ZNF613: variants seen among roughly 807,000 people sequenced by gnomAD.
The protein encoded by ZNF613 is zinc finger protein 613.
A neutral mutation model predicts 14.3 loss-of-function variants in ZNF613; 8 were observed. The ratio of observed to expected loss-of-function variants is 0.56; its 90% CI spans 0.33 to 1.01. The LOEUF (loss-of-function observed/expected upper bound fraction) is 1.01, where lower values mean the gene tolerates loss of function less well. Ranked by LOEUF, ZNF613 falls within the 50% of genes least tolerant of loss-of-function variation. The pLI is 0.03. For synonymous variants in ZNF613, 228 were observed against 254.5 expected, an observed-to-expected ratio of 0.90 and a Z score of 0.99; for missense variants, 656 against 741.9, an observed-to-expected ratio of 0.88 and a Z score of 1.35.
At chr19:51,940,436 G>A (rs1266767244) in intron 4 of ZNF613, 101 bp downstream of exon 4, 3 of 1,589,590 alleles carry the variant, frequency 1.9e-6, no homozygotes, top group Non-Finnish European at 2.6e-6. Flanking sequence ...CTCTGAAGTG[G>A]TAGATTCTGT....
At chr19:51,938,725 G>GATGTATATATATATATATATAT (rs2085323886) in intron 3 of ZNF613, among the ~76,000 whole-genome samples, 4 of 118,900 alleles carry the variant, frequency 3.4e-5, no homozygotes, top group African/African-American at 1.6e-4. Context: ...AATGTACATG[G>GATGTATATATATATATATATAT]ATATATATAT....
At chr19:51,931,942 CA>C (rs889123114) in intron 2 of ZNF613, among the ~76,000 whole-genome samples, 6 of 152,148 alleles carry the variant, frequency 3.9e-5, no homozygotes, top group Admixed American at 1.3e-4. Context: ...AAGAAGGGGT[CA>C]GGGGGCACCT....
chr19:51,945,602 T>A lies in ZNF613; in HGVS notation c.1719T>A (p.Thr573=). 1 of 1,614,180 alleles carries A rather than the reference T, an allele frequency of 6.2e-7. No individual in the cohort carries two copies. The highest frequency in any genetic ancestry group is 8.5e-7 in the Non-Finnish European group (1 of 1,180,020). ...ATAAAGACTCTGTTAACATGGTGACTCTGCAGATGCCTTCTGTGGCAGCTC... is the reference window on the plus strand; with the variant it reads ...ATAAAGACTCTGTTAACATGGTGACACTGCAGATGCCTTCTGTGGCAGCTC... ...IQDKDSVNMV[T]LQMPSVAAQT... is the part of the protein sequence containing the mutation. The change falls in exon 6 of 6, where the codon ACT becomes ACA. Residue 573 remains threonine, a synonymous_variant. Transcript: ENST00000293471.
Position 51,945,141 on chromosome 19 carries a change from C to T in ZNF613, c.1258C>T (p.Arg420Cys), listed in dbSNP as rs775545802. ...IQKGNLLIHR[R>C]THTGEKPYVC... ...AAAGGGCAACCTCCTTATTCATCGA[C>T]GTACTCACACTGGAGAGAAACCCTA... The change falls in exon 6 of 6, where the codon CGT (arginine) becomes TGT (cysteine). Residue 420 changes from arginine (R) to cysteine (C), a missense_variant. Arg to Cys is a radical substitution (Grantham distance 180). Transcript: ENST00000293471. 15 of 1,613,852 alleles carry T rather than the reference C, an allele frequency of 9.3e-6. No individual in the cohort carries two copies. Among genetic ancestry groups the T allele is most frequent in the African/African-American group, 5.3e-5 (4 of 74,870 alleles).
Position 51,944,861 on chromosome 19 carries a change from C to T in ZNF613, c.978C>T (p.Ser326=), listed in dbSNP as rs755646718. Residue 326 remains serine (S), a synonymous_variant, in exon 6 of 6, where the codon TCC becomes TCT. Coordinates refer to ENST00000293471, the MANE Select transcript of ZNF613 (RefSeq NM_001031721.4). ...HGCSLCGKAF[S]KRSRLTEHQR... ...GCAGCCTGTGTGGGAAGGCCTTCTC[C>T]AAAAGGTCCAGGCTCACTGAACACC... 1.2e-6 allele frequency: 2 copies of T among 1,613,432 alleles called. No individual in the cohort carries two copies. Among genetic ancestry groups the T allele is most frequent in the African/African-American group, 1.3e-5 (1 of 74,650 alleles).
chr19:51,938,746 ATATATG>A (rs139865284), intron 3 of ZNF613, among the ~76,000 whole-genome samples: 1,549 of 146,084 alleles, frequency 0.011, 44 homozygotes, highest in African/African-American at 0.037. Flanking sequence ...ATATATATAT[ATATATG>A]TGCAATATGC....
chr19:51,931,200 G>A (rs949710946), intron 2 of ZNF613, among the ~76,000 whole-genome samples: 2 of 152,086 alleles, frequency 1.3e-5, no homozygotes, highest in Non-Finnish European at 2.9e-5. Context: ...TGCATGTGTC[G>A]CTATTTCCTT....
chr19:51,945,649 C>T lies in ZNF613; in HGVS notation c.1766C>T (p.Ala589Val), dbSNP rs752785147. ...GCTCAGACCTCATTAACTAACAGTG[C>T]GTTCCAAGCAGAGAGCAAAGTAGCC... is the stretch of plus-strand genomic sequence containing the variant. ...VAAQTSLTNS[A>V]FQAESKVAIV... Residue 589 changes from alanine to valine, a missense_variant, in exon 6 of 6, where the codon GCG becomes GTG. Transcript: ENST00000293471. The T allele has an allele frequency of 2.3e-5, 37 of 1,613,988 alleles. No homozygotes were observed. The highest frequency in any genetic ancestry group is 6.7e-5 in the East Asian group (3 of 44,888).
chr19:51,938,625 CCT>C (rs1276830178), intron 3 of ZNF613, among the ~76,000 whole-genome samples: 8 of 151,580 alleles, frequency 5.3e-5, no homozygotes, highest in African/African-American at 1.7e-4. Flanking sequence ...ACAACATCCC[CCT>C]GTGTAAGATT....
chr19:51,940,516 A>T lies in ZNF613; in HGVS notation c.143-101A>T, dbSNP rs971537536. The T allele has an allele frequency of 2.7e-6, 4 of 1,484,898 alleles. No individual in the cohort carries two copies. In the African/African-American group the frequency reaches 5.6e-5, roughly 21 times the overall value. The allele number at this position is 1,484,898 out of a possible 1,614,324, so 92.0% of individuals were successfully genotyped here. A position where few individuals can be genotyped will look rare whatever the true frequency, so the allele number is the denominator to read the frequency against. ...GAGGGAAAATCCCTTTGCTTTGCAG[A>T]CACATAAATTACATAGTTCCTAAAA... On this transcript the variant is annotated intron_variant, in intron 4 of 5. Transcript: ENST00000293471.
intron 1 of ZNF613, among the ~76,000 whole-genome samples, chr19:51,928,548 T>A (rs2085236407): frequency 6.6e-6 from 1 of 152,088 alleles, no homozygotes; most frequent in African/African-American, 2.4e-5. Flanking sequence ...TTGGGGAAGA[T>A]CAAAGATTAA....
chr19:51,930,131 T>A (rs923574259), intron 2 of ZNF613, among the ~76,000 whole-genome samples: 3 of 152,202 alleles, frequency 2.0e-5, no homozygotes, highest in Non-Finnish European at 4.4e-5. Flanking sequence ...AAGTAATCTC[T>A]AATCTACTTT....
intron 3 of ZNF613, among the ~76,000 whole-genome samples, chr19:51,937,147 C>A (rs187360786): frequency 6.6e-6 from 1 of 152,094 alleles, no homozygotes; most frequent in Admixed American, 6.6e-5. Flanking sequence ...GTAAATAAAC[C>A]AGTAATAGTA....
At chr19:51,934,335 G>T (rs11670350) in intron 2 of ZNF613, among the ~76,000 whole-genome samples, 24,597 of 151,536 alleles carry the variant, frequency 0.16, 2,158 homozygotes, top group South Asian at 0.28. Context: ...TTTTTTTGTT[G>T]TTGGTACTTT....
intron 2 of ZNF613, among the ~76,000 whole-genome samples, chr19:51,933,981 T>C (rs2085286967): frequency 6.6e-6 from 1 of 152,090 alleles, no homozygotes; most frequent in African/African-American, 2.4e-5. Context: ...GTAGTTTTAG[T>C]AGAGATGGGG....
In ZNF613 at chr19:51,945,673, C is replaced by A. The variant is rs758005419; in HGVS notation, c.1790C>A (p.Ala597Asp). The A allele has an allele frequency of 3.2e-5, 52 of 1,614,146 alleles. No individual in the cohort carries two copies. The East Asian group carries it at 7.6e-4, about 24-fold the overall frequency. The change falls in exon 6 of 6, where the codon GCC (alanine) becomes GAC (aspartate). Residue 597 changes from alanine to aspartate, a missense_variant. Transcript: ENST00000293471. Reference protein sequence around the residue: ...NSAFQAESKVAIVSQPVARSS... With the variant: ...NSAFQAESKVDIVSQPVARSS... ...GCGTTCCAAGCAGAGAGCAAAGTAG[C>A]CATTGTGAGCCAGCCTGTTGCCAGA...
Position 51,945,795 on chromosome 19 carries a change from T to C in ZNF613, c.*58T>C, listed in dbSNP as rs1199602598. On this transcript the variant is annotated 3_prime_UTR_variant, in exon 6 of 6. Coordinates refer to ENST00000293471, the MANE Select transcript of ZNF613 (RefSeq NM_001031721.4). ...TTTCAGTGATCAATTACATCATATG[T>C]CACAAAAAACACAGAGGAACAAACT... The C allele has an allele frequency of 1.3e-6, 2 of 1,586,774 alleles. No individual in the cohort carries two copies. The highest frequency in any genetic ancestry group is 8.6e-7 in the Non-Finnish European group (1 of 1,163,334).
chr19:51,931,324 T>C (rs1227187347), intron 2 of ZNF613, among the ~76,000 whole-genome samples: 3 of 152,346 alleles, frequency 2.0e-5, no homozygotes, highest in African/African-American at 4.8e-5. Context: ...TAAAAAAGTA[T>C]GTCTATTTTG....
intron 5 of ZNF613, among the ~76,000 whole-genome samples, chr19:51,942,049 T>C (rs961184952): frequency 1.3e-5 from 2 of 152,264 alleles, no homozygotes; most frequent in Non-Finnish European, 1.5e-5. Flanking sequence ...ATAGCAGTCA[T>C]ATAAGATGGA....
Sources: gnomAD v4.1 joint callset for allele counts (sites outside exome capture counted in the v4.1 genomes callset) on GRCh38, gnomAD v4.1.1 for gene constraint, MANE v1.5 for transcripts, NCBI Gene and HGNC (gene_info 2026-07-23, HGNC 2026-07-21) for gene names.